ZGRF1: variants seen among roughly 807,000 people sequenced by gnomAD.
The protein encoded by ZGRF1 is zinc finger GRF-type containing 1.
ZGRF1 carries 196 observed loss-of-function variants against 203.5 expected under a neutral mutation model. That is an observed-to-expected ratio of 0.96 (90% CI 0.86 to 1.08). The LOEUF (loss-of-function observed/expected upper bound fraction) is 1.08, where lower values mean the gene tolerates loss of function less well. ZGRF1 is among the 50% of genes least tolerant of loss of function. The pLI is 0.00. For synonymous variants in ZGRF1, 809 were observed against 841.3 expected (o/e 0.96, Z 0.66); for missense variants, 2,326 against 2,416.3 (o/e 0.96, Z 0.78).
At chr4:112,635,145 A>G (rs2047547271) in intron 1 of ZGRF1, among the ~76,000 whole-genome samples, 1 of 151,832 alleles carries the variant, frequency 6.6e-6, no homozygotes, top group Non-Finnish European at 1.5e-5. Flanking sequence ...AAAAAAAAAA[A>G]AAGAAATACA....
At chr4:112,626,710 T>C (rs2047250718) in intron 3 of ZGRF1, among the ~76,000 whole-genome samples, 1 of 152,230 alleles carries the variant, frequency 6.6e-6, no homozygotes, top group Non-Finnish European at 1.5e-5. Context: ...TTCCAATCTA[T>C]ACTAGTAGTC....
chr4:112,600,775 G>A (rs1560836059), intron 10 of ZGRF1, among the ~76,000 whole-genome samples: 1 of 152,050 alleles, frequency 6.6e-6, no homozygotes. Context: ...AGCAGAACAC[G>A]TTCCTTATAA....
At chr4:112,584,683 G>C (rs980074871) in intron 14 of ZGRF1, among the ~76,000 whole-genome samples, 9 of 152,160 alleles carry the variant, frequency 5.9e-5, no homozygotes, top group Admixed American at 3.9e-4. Flanking sequence ...AAGATTTTTA[G>C]TGGCTATATT....
At chr4:112,606,210 T>C (rs1327271153) in intron 8 of ZGRF1, 119 bp from the exon 9 acceptor site, 1 of 656,024 alleles carries the variant, frequency 1.5e-6, no homozygotes, top group Non-Finnish European at 2.6e-6. Flanking sequence ...ACACTTGCCA[T>C]CTCTATCTTG....
At chr4:112,557,364 G>A (rs528688770) in intron 20 of ZGRF1, among the ~76,000 whole-genome samples, 72 of 151,990 alleles carry the variant, frequency 4.7e-4, no homozygotes, top group Admixed American at 1.1e-3. Context: ...TAGTAAAGAC[G>A]GGGTTTCACC....
chr4:112,557,433 C>T (rs1275262312), intron 20 of ZGRF1, among the ~76,000 whole-genome samples: 1 of 152,198 alleles, frequency 6.6e-6, no homozygotes, highest in Non-Finnish European at 1.5e-5. Context: ...CATTGGCCTC[C>T]CAAAGCACTG....
chr4:112,589,966 T>A, intron 10 of ZGRF1, 92 bp from the exon 11 acceptor site: 1 of 943,762 alleles, frequency 1.1e-6, no homozygotes, highest in Non-Finnish European at 1.5e-6. Context: ...ATTATAAAAA[T>A]AATGATTTAA....
chr4:112,581,133 A>AG (rs1746164878), intron 16 of ZGRF1, among the ~76,000 whole-genome samples: 2 of 152,052 alleles, frequency 1.3e-5, no homozygotes, highest in Non-Finnish European at 2.9e-5. Context: ...CTGTAGGGAC[A>AG]TGGATGAAGC....
chr4:112,554,062 T>A, intron 21 of ZGRF1, 80 bp from the exon 22 acceptor site: 1 of 1,311,734 alleles, frequency 7.6e-7, no homozygotes, highest in East Asian at 2.3e-5. Context: ...ATTTTCTTTT[T>A]TTTATTATAC....
intron 3 of ZGRF1, among the ~76,000 whole-genome samples, chr4:112,630,886 C>CAA (rs755413043): frequency 4.8e-5 from 5 of 103,322 alleles, no homozygotes; most frequent in Admixed American, 1.0e-4. Flanking sequence ...GATTCTGGCT[C>CAA]AAAAAAAAAA....
At chr4:112,593,684 A>G (rs1424493635) in intron 10 of ZGRF1, among the ~76,000 whole-genome samples, 2 of 152,158 alleles carry the variant, frequency 1.3e-5, no homozygotes, top group African/African-American at 4.8e-5. Flanking sequence ...ATCTCAGGGA[A>G]TTTACACATG....
chr4:112,561,800 CAATACTGAAATGATCCTTA>C (rs1487721993), intron 18 of ZGRF1, among the ~76,000 whole-genome samples: 1 of 150,690 alleles, frequency 6.6e-6, no homozygotes, highest in African/African-American at 2.4e-5. Context: ...AAAATAAAAT[CAATACTGAAATGATCCTTA>C]AATTATCTCT....
chr4:112,603,591 T>G lies in ZGRF1; in HGVS notation c.2909A>C (p.Glu970Ala). ...TGTCTCTGTCATAAAGTTTTCATAC[T>G]CAGTGCTATCTGGAAACTGACTGCA... ...LGCSQFPDST[E>A]YENFMTETPE... Residue 970 changes from glutamate (E) to alanine (A), a missense_variant, in exon 10 of 28, where the codon GAG (glutamate) becomes GCG (alanine). By Grantham distance (107) the Glu-to-Ala change is moderately radical (BLOSUM62 -1). Coordinates refer to ENST00000505019, the MANE Select transcript of ZGRF1 (RefSeq NM_018392.5). 1.2e-6 allele frequency: 2 copies of G among 1,613,734 alleles called. 1 individual carries two copies. The highest frequency in any genetic ancestry group is 3.3e-5 in the Admixed American group (2 of 60,032).
At chr4:112,548,133 G>A (rs768629579) in intron 23 of ZGRF1, 120 bp downstream of exon 23, 77 of 774,386 alleles carry the variant, frequency 9.9e-5, no homozygotes, top group Middle Eastern at 8.5e-4. Flanking sequence ...TAGAAATGGG[G>A]ATTCGCCATG....
At position 112,585,641 on chromosome 4, in the gene ZGRF1, A is replaced by T; in HGVS notation, c.4001T>A (p.Leu1334Ter). 6.2e-7 allele frequency: 1 copy of T among 1,611,106 alleles called. No homozygotes were observed. Among genetic ancestry groups the T allele is most frequent in the Non-Finnish European group, 8.5e-7 (1 of 1,178,572 alleles). ...SKVDISFYTS[L>*]KGEKLKNAEN... The stretch of plus-strand genomic sequence containing the variant: ...TGCGTTTTTCAGTTTCTCTCCCTTC[A>T]ATGATGTATAAAATGATATGTCAAC... Residue 1334 changes from leucine to a stop codon, truncating the protein, a stop_gained, in exon 14 of 28, where the codon TTG becomes TAG. Transcript: ENST00000505019. LOFTEE classifies it high-confidence loss of function.
At position 112,603,715 on chromosome 4, in the gene ZGRF1, A is replaced by C; in HGVS notation, c.2803-18T>G. On this transcript the variant is annotated intron_variant, in intron 9 of 27. Coordinates refer to ENST00000505019, the MANE Select transcript of ZGRF1 (RefSeq NM_018392.5). Reference sequence around the variant, plus strand: ...TCAACAGGCTACAGGTAAATTATTAAAAATAAGAACTGCATAACTATATGT... The same window carrying C: ...TCAACAGGCTACAGGTAAATTATTACAAATAAGAACTGCATAACTATATGT... 5 of 1,598,312 alleles carry C rather than the reference A, an allele frequency of 3.1e-6. No homozygotes were observed. Among genetic ancestry groups the C allele is most frequent in the Non-Finnish European group, 4.3e-6 (5 of 1,168,008 alleles).
chr4:112,577,676 CAAAG>C (rs1340226657), intron 16 of ZGRF1, among the ~76,000 whole-genome samples: 1 of 122,462 alleles, frequency 8.2e-6, no homozygotes, highest in African/African-American at 2.8e-5. Context: ...TCAAAAGAGA[CAAAG>C]AAGGCCATTA....
intron 3 of ZGRF1, 70 bp downstream of exon 3, chr4:112,631,859 GT>G: frequency 1.4e-6 from 1 of 727,168 alleles, no homozygotes; most frequent in Non-Finnish European, 2.2e-6. Context: ...ATCATGTACA[GT>G]TTTTTAAATA....
At chr4:112,594,478 A>T in intron 10 of ZGRF1, among the ~76,000 whole-genome samples, 1 of 149,350 alleles carries the variant, frequency 6.7e-6, no homozygotes, top group African/African-American at 2.5e-5. Flanking sequence ...TTTGAGACAG[A>T]CACTCGCTCT....
Sources: allele counts gnomAD v4.1 joint callset (sites outside exome capture counted in the v4.1 genomes callset), GRCh38; gene constraint gnomAD v4.1.1; transcripts MANE v1.5; gene names NCBI Gene and HGNC (gene_info 2026-07-23, HGNC 2026-07-21).